The following NAALADL2 variants were observed in gnomAD, a reference collection of about 807,000 sequenced individuals.
The protein encoded by NAALADL2 is N-acetylated alpha-linked acidic dipeptidase like 2.
Under a neutral mutation model 87.2 loss-of-function variants are expected in NAALADL2, and 76 were observed. The observed-to-expected ratio is 0.87, with a 90% CI of 0.72 to 1.05. NAALADL2 has a LOEUF of 1.05. NAALADL2 is among the 50% of genes least tolerant of loss of function. The pLI is 0.00. For synonymous variants in NAALADL2, 354 were observed against 331.0 expected (o/e 1.07, Z -0.75); for missense variants, 1,089 against 945.8 (o/e 1.15, Z -1.99).
At chr3:174,847,652 C>G (rs529766425) in intron 3 of NAALADL2, among the ~76,000 whole-genome samples, 1 of 152,082 alleles carries the variant, frequency 6.6e-6, no homozygotes, top group African/African-American at 2.4e-5. Context: ...AATATTATCT[C>G]ATTTGATTCC....
At chr3:175,768,129 G>T (rs1748988369) in intron 13 of NAALADL2, among the ~76,000 whole-genome samples, 1 of 152,110 alleles carries the variant, frequency 6.6e-6, no homozygotes, top group Admixed American at 6.5e-5. Context: ...TACTGGGATT[G>T]TTCCATGTAT....
At chr3:174,596,783 C>T (rs955612616) in intron 2 of NAALADL2, among the ~76,000 whole-genome samples, 1 of 152,098 alleles carries the variant, frequency 6.6e-6, no homozygotes, top group Non-Finnish European at 1.5e-5. Context: ...TCTCTTGTGA[C>T]GTCATGGCCA....
chr3:175,447,373 G>A lies in NAALADL2; in HGVS notation c.1234+1G>A. The A allele has an allele frequency of 2.6e-6, 4 of 1,551,002 alleles. No individual in the cohort carries two copies. The highest frequency in any genetic ancestry group is 3.5e-6 in the Non-Finnish European group (4 of 1,151,548). The stretch of plus-strand genomic sequence containing the variant: ...AGCTCTCTAGAGCTTCCAAATAATG[G>A]TAAAGTATTTAATGTCGTTCTCTGT... On this transcript the variant is annotated splice_donor_variant, in intron 6 of 13. Coordinates refer to ENST00000454872, the MANE Select transcript of NAALADL2 (RefSeq NM_207015.3). LOFTEE classifies it high-confidence loss of function.
chr3:175,050,366 A>C (rs1404958955), intron 1 of NAALADL2, among the ~76,000 whole-genome samples: 1 of 152,074 alleles, frequency 6.6e-6, no homozygotes, highest in African/African-American at 2.4e-5. Context: ...GGGTTCAAAC[A>C]GTTCTCCTGC....
At chr3:175,557,150 G>A (rs1229209721) in intron 9 of NAALADL2, among the ~76,000 whole-genome samples, 1 of 152,206 alleles carries the variant, frequency 6.6e-6, no homozygotes, top group Non-Finnish European at 1.5e-5. Context: ...AAAATCTGCT[G>A]TAAATAACTC....
chr3:174,943,244 T>C (rs945951859), intron 1 of NAALADL2, among the ~76,000 whole-genome samples: 3 of 152,228 alleles, frequency 2.0e-5, no homozygotes, highest in African/African-American at 7.2e-5. Flanking sequence ...TGAGGCTTTG[T>C]GCAGGGTCTT....
intron 9 of NAALADL2, among the ~76,000 whole-genome samples, chr3:175,508,076 G>T (rs904724348): frequency 1.1e-4 from 16 of 152,244 alleles, no homozygotes; most frequent in Non-Finnish European, 2.2e-4. Context: ...CATGACAAAG[G>T]CAGGAGCAAG....
Position 174,625,043 on chromosome 3 carries a change from A to ATCTCTC in NAALADL2, c.-115+74416_-115+74421dup, listed in dbSNP as rs1181249470. Among the ~76,000 whole-genome samples, 27 of 113,122 alleles carry ATCTCTC rather than the reference A, an allele frequency of 2.4e-4. 1 individual carries two copies. The highest frequency in any genetic ancestry group is 7.5e-4 in the African/African-American group (21 of 27,940). The allele number at this position is 113,122 out of a possible 152,430, so 74.2% of individuals were successfully genotyped here. A position where few individuals can be genotyped will look rare whatever the true frequency, so the allele number is the denominator to read the frequency against. On this transcript the variant is annotated intron_variant, in intron 2 of 3. Transcript: ENST00000434257. The stretch of plus-strand genomic sequence containing the variant: ...TGTCCTCAGAATTCTATTTATTGCT[A>ATCTCTC]TCTCTCTCTCTCTCTTTTTTTTTTT...
At chr3:174,702,392 G>A (rs185874997) in intron 2 of NAALADL2, among the ~76,000 whole-genome samples, 1 of 152,034 alleles carries the variant, frequency 6.6e-6, no homozygotes, top group East Asian at 1.9e-4. Context: ...ACATAAATGG[G>A]CAATTACAAA....
chr3:175,779,744 T>A (rs1247793406), intron 13 of NAALADL2, among the ~76,000 whole-genome samples: 1 of 152,212 alleles, frequency 6.6e-6, no homozygotes, highest in Non-Finnish European at 1.5e-5. Flanking sequence ...CAGGCTGCTG[T>A]GGAAATTTTC....
intron 13 of NAALADL2, chr3:175,767,746 A>G (rs561392106): frequency 6.6e-6 from 1 of 152,108 alleles, no homozygotes; most frequent in African/African-American, 2.4e-5. Flanking sequence ...TAGAATCAAG[A>G]ACTACTAGAA....
chr3:175,103,107 A>AAAAG (rs1386559818), intron 2 of NAALADL2, among the ~76,000 whole-genome samples: 1,796 of 24,256 alleles, frequency 0.074, 30 homozygotes, highest in Non-Finnish European at 0.087. Flanking sequence ...ACTCCGTCTC[A>AAAAG]AAAAAAAAAA....
At chr3:175,082,869 T>C (rs1339584651) in intron 1 of NAALADL2, among the ~76,000 whole-genome samples, 4 of 152,224 alleles carry the variant, frequency 2.6e-5, no homozygotes, top group Non-Finnish European at 5.9e-5. Flanking sequence ...CACTTCAGTC[T>C]CTACACAGTC....
chr3:175,017,472 G>A (rs192039067), intron 1 of NAALADL2, among the ~76,000 whole-genome samples: 1 of 152,130 alleles, frequency 6.6e-6, no homozygotes, highest in Non-Finnish European at 1.5e-5. Context: ...ACAGGGAGAA[G>A]GTCATACAAT....
chr3:175,376,457 G>C (rs571423337), intron 5 of NAALADL2, among the ~76,000 whole-genome samples: 3 of 151,966 alleles, frequency 2.0e-5, no homozygotes, highest in South Asian at 2.1e-4. Context: ...CTATAGACTT[G>C]TGGATTACAT....
intron 2 of NAALADL2, among the ~76,000 whole-genome samples, chr3:174,722,431 G>A (rs1036998953): frequency 5.3e-5 from 8 of 152,318 alleles, no homozygotes; most frequent in Admixed American, 6.5e-5. Context: ...GGCTGGGTGT[G>A]GTTGCTCATG....
intron 2 of NAALADL2, among the ~76,000 whole-genome samples, chr3:174,682,187 A>C (rs1727608588): frequency 6.6e-6 from 1 of 152,178 alleles, no homozygotes; most frequent in South Asian, 2.1e-4. Flanking sequence ...ACAAAAAAGA[A>C]AAGTGTGGGA....
At chr3:175,433,495 T>C (rs1718119545) in intron 5 of NAALADL2, among the ~76,000 whole-genome samples, 4 of 152,000 alleles carry the variant, frequency 2.6e-5, no homozygotes. Context: ...ACCATTCCTA[T>C]CCCTTAAGAA....
At chr3:174,702,303 G>T (rs564254361) in intron 2 of NAALADL2, among the ~76,000 whole-genome samples, 67 of 152,066 alleles carry the variant, frequency 4.4e-4, no homozygotes, top group Non-Finnish European at 5.0e-4. Context: ...TACAATAAAA[G>T]AATAATCTTT....
Sources: gnomAD v4.1 joint callset for allele counts (sites outside exome capture counted in the v4.1 genomes callset) on GRCh38, gnomAD v4.1.1 for gene constraint, MANE v1.5 for transcripts, NCBI Gene and HGNC (gene_info 2026-07-23, HGNC 2026-07-21) for gene names.